Variants in TPD52 observed in about 807,000 individuals in gnomAD.
The protein encoded by TPD52 is prostate and colon associated protein.
TPD52 carries 17 observed loss-of-function variants against 31.3 expected under a neutral mutation model. The observed-to-expected ratio is 0.54, with a 90% CI of 0.37 to 0.82. The LOEUF is 0.82. Ranked by LOEUF, TPD52 falls within the 40% of genes least tolerant of loss-of-function variation. TPD52 has a pLI of 0.00. For missense variants in TPD52, 212 were observed against 240.1 expected, an observed-to-expected ratio of 0.88 and a Z score of 0.77; for synonymous variants, 83 against 89.6, an observed-to-expected ratio of 0.93 and a Z score of 0.42.
At position 80,049,889 on chromosome 8, in the gene TPD52, C is replaced by T. The variant is rs144264946; in HGVS notation, c.413+556G>A. On this transcript the variant is annotated intron_variant, in intron 5 of 7. Coordinates refer to ENST00000518937, the MANE Select transcript of TPD52 (RefSeq NM_001025253.3). Reference sequence around the variant, plus strand: ...TAAAGAAAGAATAAAATCATAAAAACTATAAGCTAGTAAAACAAGTATTAA... The same window carrying T: ...TAAAGAAAGAATAAAATCATAAAAATTATAAGCTAGTAAAACAAGTATTAA... Among the ~76,000 whole-genome samples the T allele has an allele frequency of 5.8e-3, 884 of 152,010 alleles. 7 individuals are homozygous for T. Among genetic ancestry groups the T allele is most frequent in the Admixed American group, 8.8e-3 (135 of 15,268 alleles).
intron 1 of TPD52, among the ~76,000 whole-genome samples, chr8:80,092,063 G>T (rs1369471068): frequency 1.3e-5 from 2 of 152,120 alleles, no homozygotes; most frequent in Non-Finnish European, 2.9e-5. Context: ...TGTATATGGG[G>T]GCACAAATAT....
At chr8:80,167,108 A>G (rs192016338) in intron 1 of TPD52, among the ~76,000 whole-genome samples, 104 of 152,236 alleles carry the variant, frequency 6.8e-4, no homozygotes, top group African/African-American at 2.4e-3. Flanking sequence ...TAAAACTTCC[A>G]CTAAATATTA....
intron 1 of TPD52, among the ~76,000 whole-genome samples, chr8:80,082,842 T>C (rs978384120): frequency 6.6e-6 from 1 of 152,252 alleles, no homozygotes; most frequent in African/African-American, 2.4e-5. Context: ...CATGTAGATG[T>C]TACATGCCTT....
Position 80,146,301 on chromosome 8 carries a change from T to C in TPD52, c.19+25124A>G, listed in dbSNP as rs185845382. Among the ~76,000 whole-genome samples, 154 of 152,366 alleles carry C rather than the reference T, an allele frequency of 1.0e-3. 1 individual carries two copies. The highest frequency in any genetic ancestry group is 3.5e-3 in the African/African-American group (145 of 41,582). ...CCATTGTTGCTAAGGGCAATTCTTA[T>C]TTACCAGGTGTGCTGGTAGGGGAAA... On this transcript the variant is annotated intron_variant, in intron 1 of 7. Coordinates refer to ENST00000518937, the MANE Select transcript of TPD52 (RefSeq NM_001025253.3).
In TPD52 at chr8:80,166,911, AT is replaced by A. The variant is rs554196683; in HGVS notation, c.19+4513del. On this transcript the variant is annotated intron_variant, in intron 1 of 7. Transcript: ENST00000518937. ...GCAGAGCGAGACACTGTTAAAAAAA[AT>A]AATAATAAAATTGTGATTTGTTTAA... is the stretch of plus-strand genomic sequence containing the variant. Among the ~76,000 whole-genome samples the A allele has an allele frequency of 2.3e-3, 347 of 152,292 alleles. 3 individuals carry two copies. The highest frequency in any genetic ancestry group is 4.4e-3 in the Non-Finnish European group (299 of 68,024).
chr8:80,112,755 A>AAAC (rs1807588433), intron 1 of TPD52, among the ~76,000 whole-genome samples: 1 of 151,696 alleles, frequency 6.6e-6, no homozygotes, highest in Non-Finnish European at 1.5e-5. Flanking sequence ...CAACCCCCCA[A>AAAC]CCCATTCAAC....
intron 1 of TPD52, among the ~76,000 whole-genome samples, chr8:80,152,263 A>G (rs530355667): frequency 6.6e-6 from 1 of 152,258 alleles, no homozygotes; most frequent in South Asian, 2.1e-4. Flanking sequence ...GGCCAGCCAT[A>G]TCCTCAGCAG....
rs192720062 is a variant in TPD52, at chr8:80,168,600, C to T, written c.19+2825G>A. Among the ~76,000 whole-genome samples, 7 of 152,274 alleles carry T rather than the reference C, an allele frequency of 4.6e-5. No homozygotes were observed. In the East Asian group the frequency reaches 1.2e-3, roughly 25 times the overall value. On this transcript the variant is annotated intron_variant, in intron 1 of 7. Coordinates refer to ENST00000518937, the MANE Select transcript of TPD52 (RefSeq NM_001025253.3). Reference sequence around the variant, plus strand: ...TGCTAGTGAACACCAGGTTTAAAATCCCAGGTTGTGCCTTTTCCAGTTTAA... The same window carrying T: ...TGCTAGTGAACACCAGGTTTAAAATTCCAGGTTGTGCCTTTTCCAGTTTAA...
chr8:80,151,677 T>C (rs1452341816), intron 1 of TPD52, among the ~76,000 whole-genome samples: 1 of 152,230 alleles, frequency 6.6e-6, no homozygotes, highest in East Asian at 1.9e-4. Context: ...CTGAAGTAAC[T>C]TGTTGTTAAC....
At chr8:80,060,434 C>T (rs575661150) in intron 2 of TPD52, among the ~76,000 whole-genome samples, 232 of 152,138 alleles carry the variant, frequency 1.5e-3, no homozygotes, top group African/African-American at 5.1e-3. Context: ...TTCTACCAAA[C>T]ATTTAAAGAA....
intron 1 of TPD52, chr8:80,080,622 G>A: frequency 2.9e-6 from 4 of 1,363,850 alleles, no homozygotes. Context: ...CCTTTTGGGA[G>A]CCTTCACGCC....
chr8:80,062,083 T>A (rs75028023), intron 2 of TPD52, among the ~76,000 whole-genome samples: 2,269 of 152,256 alleles, frequency 0.015, 57 homozygotes, highest in African/African-American at 0.051. Flanking sequence ...CTGAAATTCA[T>A]ATGGAATTGC....
At chr8:80,061,385 C>A (rs34553805) in intron 2 of TPD52, among the ~76,000 whole-genome samples, 63,268 of 101,598 alleles carry the variant, frequency 0.62, 20,797 homozygotes, top group African/African-American at 0.77. Flanking sequence ...CCGCCCCCCC[C>A]AAAAAAAAAA....
At chr8:80,115,600 C>T (rs1301788014) in intron 1 of TPD52, among the ~76,000 whole-genome samples, 1 of 152,212 alleles carries the variant, frequency 6.6e-6, no homozygotes, top group African/African-American at 2.4e-5. Context: ...AAGCTCCCTG[C>T]AGAGGGCAGA....
rs375889993 is a variant in TPD52, at chr8:80,055,162, AC to A, written c.136-1733del. ...AATAGACTTAAATGGTAAGTTTCCC[AC>A]CCCTTAGCACTTCTCTGAGGTACTC... On this transcript the variant is annotated intron_variant, in intron 2 of 7. Coordinates refer to ENST00000518937, the MANE Select transcript of TPD52 (RefSeq NM_001025253.3). 2.8e-3 allele frequency among the ~76,000 whole-genome samples: 419 copies of A among 152,186 alleles called. 7 individuals carry two copies. The highest frequency in any genetic ancestry group is 9.6e-3 in the African/African-American group (398 of 41,536).
At chr8:80,126,529 T>C (rs1419717773) in intron 1 of TPD52, among the ~76,000 whole-genome samples, 3 of 149,524 alleles carry the variant, frequency 2.0e-5, no homozygotes, top group Admixed American at 6.8e-5. Context: ...TTACCCAGGC[T>C]GGAGGGCAGT....
intron 1 of TPD52, among the ~76,000 whole-genome samples, chr8:80,124,365 G>A (rs1808460993): frequency 6.6e-6 from 1 of 152,040 alleles, no homozygotes. Flanking sequence ...TAGAGATGGG[G>A]TTTTGCCATG....
chr8:80,141,739 G>A (rs972525376), intron 1 of TPD52, among the ~76,000 whole-genome samples: 7 of 151,960 alleles, frequency 4.6e-5, no homozygotes, highest in Non-Finnish European at 8.8e-5. Flanking sequence ...GTGAAATCCC[G>A]TCTCTACTAA....
chr8:80,077,039 G>A (rs1814640550), intron 1 of TPD52, among the ~76,000 whole-genome samples: 1 of 152,048 alleles, frequency 6.6e-6, no homozygotes, highest in Non-Finnish European at 1.5e-5. Flanking sequence ...CACTTTGGGA[G>A]GCCGAGGCAG....
Sources: gnomAD v4.1 joint callset for allele counts (sites outside exome capture counted in the v4.1 genomes callset) on GRCh38, gnomAD v4.1.1 for gene constraint, MANE v1.5 for transcripts, NCBI Gene and HGNC (gene_info 2026-07-23, HGNC 2026-07-21) for gene names.